GRK5: variants seen among roughly 807,000 people sequenced by gnomAD.
The protein encoded by GRK5 is G protein-coupled receptor kinase 5, also known as g protein-coupled receptor kinase GRK5.
A neutral mutation model predicts 78.4 loss-of-function variants in GRK5; 40 were observed. The observed-to-expected ratio is 0.51, with a 90% CI of 0.40 to 0.66. The LOEUF (loss-of-function observed/expected upper bound fraction) is 0.66. Ranked by LOEUF, GRK5 falls within the 30% of genes least tolerant of loss-of-function variation. The pLI is 0.00. For missense variants in GRK5, 598 were observed against 759.9 expected (o/e 0.79, Z 2.50); for synonymous variants, 289 against 296.8 (o/e 0.97, Z 0.27).
intron 8 of GRK5, among the ~76,000 whole-genome samples, chr10:119,432,069 C>T (rs1852831652): frequency 6.6e-6 from 1 of 152,230 alleles, no homozygotes; most frequent in African/African-American, 2.4e-5. Flanking sequence ...GGCCACCCTC[C>T]TCCATCTAAC....
chr10:119,306,242 G>A (rs141054129), intron 1 of GRK5, among the ~76,000 whole-genome samples: 5 of 152,288 alleles, frequency 3.3e-5, no homozygotes, highest in Admixed American at 1.3e-4. Context: ...AAATTTGCCC[G>A]CTAACAGGCC....
In GRK5 at chr10:119,455,516, C is replaced by T. The variant is rs556173047; in HGVS notation, c.*449C>T. 44 of 293,952 alleles carry T rather than the reference C, an allele frequency of 1.5e-4. No individual in the cohort carries two copies. The highest frequency in any genetic ancestry group is 9.5e-4 in the African/African-American group (41 of 43,054). The allele number at this position is 293,952 out of a possible 1,614,324, so 18.2% of individuals were successfully genotyped here. On this transcript the variant is annotated 3_prime_UTR_variant, in exon 16 of 16. Transcript: ENST00000392870. ...CACTGTTAAGCCATGTGTTCCAAGG[C>T]ATTTTAGCGGGGAGGGGGTTATCAA...
Position 119,207,823 on chromosome 10 carries a change from C to T in GRK5, c.-95C>T. On this transcript the variant is annotated 5_prime_UTR_variant, in exon 1 of 16. Coordinates refer to ENST00000392870, the MANE Select transcript of GRK5 (RefSeq NM_005308.3). ...CTGCTGGCTCCCCCGGCTCCGGCAG[C>T]AGCGGCGGCAGCCCGAGCAGCGGCA... The T allele has an allele frequency of 2.5e-6, 3 of 1,220,128 alleles. No homozygotes were observed. The highest frequency in any genetic ancestry group is 2.9e-5 in the South Asian group (2 of 68,962). 75.6% of individuals were successfully genotyped at this position (1,220,128 alleles called of 1,614,324 possible).
chr10:119,270,101 A>G (rs538248902), intron 1 of GRK5, among the ~76,000 whole-genome samples: 5 of 152,320 alleles, frequency 3.3e-5, no homozygotes, highest in African/African-American at 1.2e-4. Flanking sequence ...AGGGTTGGGC[A>G]TAAATATTAC....
chr10:119,265,148 TG>T lies in GRK5; in HGVS notation c.52+57184del, dbSNP rs544285292. On this transcript the variant is annotated intron_variant, in intron 1 of 15. Coordinates refer to ENST00000392870, the MANE Select transcript of GRK5 (RefSeq NM_005308.3). ...AGTGCTCCCCACCAGCCTTTAATTT[TG>T]GGGGCCTGCTCAGGTGCTGGACTCT... is the stretch of plus-strand genomic sequence containing the variant. Among the ~76,000 whole-genome samples, 41 of 152,314 alleles carry T rather than the reference TG, an allele frequency of 2.7e-4. No individual in the cohort carries two copies. The South Asian group carries it at 8.3e-3, about 31-fold the overall frequency.
chr10:119,261,019 C>G (rs1185622140), intron 1 of GRK5, among the ~76,000 whole-genome samples: 2 of 144,706 alleles, frequency 1.4e-5, no homozygotes, highest in African/African-American at 2.6e-5. Context: ...GACGGGGCGG[C>G]TGGCCGGGCA....
intron 1 of GRK5, among the ~76,000 whole-genome samples, chr10:119,244,350 A>G (rs1432518348): frequency 6.6e-6 from 1 of 152,270 alleles, no homozygotes; most frequent in African/African-American, 2.4e-5. Context: ...GTTAAGATGC[A>G]AAATATATAA....
At chr10:119,293,464 C>G (rs531858220) in intron 1 of GRK5, among the ~76,000 whole-genome samples, 1 of 152,102 alleles carries the variant, frequency 6.6e-6, no homozygotes, top group East Asian at 1.9e-4. Context: ...AGCAAGCACT[C>G]TGTGTATTAA....
intron 1 of GRK5, among the ~76,000 whole-genome samples, chr10:119,260,690 C>T (rs1849368292): frequency 6.6e-6 from 1 of 151,662 alleles, no homozygotes; most frequent in African/African-American, 2.4e-5. Context: ...TGAGTGGACA[C>T]AGCACATGTT....
chr10:119,443,530 T>A lies in GRK5; in HGVS notation c.1058-14T>A, dbSNP rs985738852. ...CCCTCCTCCTCACTCCTCTCTCCTC[T>A]CCTCTGCCCCCAGCTCCAGAGGTCC... is the stretch of plus-strand genomic sequence containing the variant. On this transcript the variant is annotated splice_polypyrimidine_tract_variant and intron_variant, in intron 11 of 15. Transcript: ENST00000392870. The A allele has an allele frequency of 6.3e-7, 1 of 1,593,906 alleles. No homozygotes were observed. Among genetic ancestry groups the A allele is most frequent in the South Asian group, 1.1e-5 (1 of 90,510 alleles).
rs1234137599 is a variant in GRK5 at position 119,264,022 on chromosome 10, C to T, written c.52+56053C>T. Among the ~76,000 whole-genome samples, 2 of 152,156 alleles carry T rather than the reference C, an allele frequency of 1.3e-5. No individual in the cohort carries two copies. The highest frequency in any genetic ancestry group is 6.5e-5 in the Admixed American group (1 of 15,270). On this transcript the variant is annotated intron_variant, in intron 1 of 15. Coordinates refer to ENST00000392870, the MANE Select transcript of GRK5 (RefSeq NM_005308.3). The surrounding 1 kb of genome is among the most constrained non-coding windows in gnomAD (Gnocchi z 4.1). ...TTCCTTTTCCCTGACACACATTCTGCAAGAGAAGACAGATGGCAGGCAGGA... is the reference window on the plus strand; with the variant it reads ...TTCCTTTTCCCTGACACACATTCTGTAAGAGAAGACAGATGGCAGGCAGGA...
At chr10:119,387,616 T>C (rs1306631297) in intron 3 of GRK5, among the ~76,000 whole-genome samples, 2 of 152,232 alleles carry the variant, frequency 1.3e-5, no homozygotes, top group Non-Finnish European at 2.9e-5. Context: ...TCTAGGCTAG[T>C]GTCAGCCCCC....
intron 1 of GRK5, among the ~76,000 whole-genome samples, chr10:119,221,012 C>T (rs970616918): frequency 6.6e-6 from 1 of 151,760 alleles, no homozygotes; most frequent in Non-Finnish European, 1.5e-5. Flanking sequence ...AAAAATTAGC[C>T]TGGTGTGATG....
intron 2 of GRK5, among the ~76,000 whole-genome samples, chr10:119,353,693 G>A (rs1310410481): frequency 4.6e-5 from 7 of 151,990 alleles, no homozygotes; most frequent in Admixed American, 2.0e-4. Context: ...GCTCAGCAGA[G>A]GTGTCCAAAG....
intron 2 of GRK5, among the ~76,000 whole-genome samples, chr10:119,369,905 CT>C (rs1269613690): frequency 3.9e-5 from 6 of 152,194 alleles, no homozygotes; most frequent in African/African-American, 1.2e-4. Context: ...ACCCCCACCC[CT>C]GACCCTCCGT....
intron 2 of GRK5, among the ~76,000 whole-genome samples, chr10:119,332,864 A>C (rs1455390586): frequency 3.3e-5 from 5 of 152,168 alleles, no homozygotes; most frequent in Non-Finnish European, 7.4e-5. Context: ...TCTCAGTCCA[A>C]ATATCATCTC....
At position 119,431,422 on chromosome 10, in the gene GRK5, G is replaced by C; in HGVS notation, c.633G>C (p.Met211Ile). The C allele has an allele frequency of 6.2e-7, 1 of 1,614,054 alleles. No individual in the cohort carries two copies. The part of the protein sequence containing the change: ...CACQVRATGK[M>I]YACKRLEKKR... ...GCCAGGTTCGGGCCACGGGTAAAAT[G>C]TATGCCTGCAAGCGCTTGGAGAAGA... Residue 211 changes from methionine to isoleucine, a missense_variant, in exon 8 of 16, where the codon ATG becomes ATC. Transcript: ENST00000392870. The surrounding 1 kb of genome is among the most constrained non-coding windows in gnomAD (Gnocchi z 4.8).
chr10:119,237,946 AGTTGAGGGATGGAGGAAGGGG>A (rs1848959523), intron 1 of GRK5, among the ~76,000 whole-genome samples: 2 of 3,990 alleles, frequency 5.0e-4, no homozygotes, highest in Non-Finnish European at 2.3e-3. Flanking sequence ...AAGGGGCTGG[AGTTGAGGGATGGAGGAAGGGG>A]CTGGAGTTAA....
chr10:119,441,345 G>A (rs965667873), intron 10 of GRK5, among the ~76,000 whole-genome samples: 5 of 152,214 alleles, frequency 3.3e-5, no homozygotes, highest in Non-Finnish European at 5.9e-5. Context: ...GGAAGGGGAC[G>A]TGTTCCTTCC....
Sources: gnomAD v4.1 joint callset for allele counts (sites outside exome capture counted in the v4.1 genomes callset) on GRCh38, gnomAD v4.1.1 for gene constraint, Gnocchi (gnomAD v3.1) non-coding constraint, MANE v1.5 for transcripts, NCBI Gene and HGNC (gene_info 2026-07-23, HGNC 2026-07-21) for gene names.